TOX3: variants seen among roughly 807,000 people sequenced by gnomAD.
TOX3 encodes the protein TOX high mobility group box family member 3.
A neutral mutation model predicts 64.3 loss-of-function variants in TOX3; 22 were observed. That is an observed-to-expected ratio of 0.34 (90% confidence interval 0.24 to 0.49). The LOEUF (loss-of-function observed/expected upper bound fraction) is 0.49. Ranked by LOEUF, TOX3 falls within the 20% of genes least tolerant of loss-of-function variation. TOX3 has a pLI of 0.99. For missense variants in TOX3, 661 were observed against 714.4 expected (o/e 0.93, Z 0.85); for synonymous variants, 291 against 273.6 (o/e 1.06, Z -0.63).
chr16:52,470,533 A>G (rs1427784705), intron 1 of TOX3, among the ~76,000 whole-genome samples: 1 of 152,254 alleles, frequency 6.6e-6, no homozygotes, highest in African/African-American at 2.4e-5. Context: ...AAACAATTCA[A>G]AAAACAAATT....
intron 4 of TOX3, among the ~76,000 whole-genome samples, chr16:52,447,670 G>C (rs1960202251): frequency 6.6e-6 from 1 of 152,062 alleles, no homozygotes; most frequent in Non-Finnish European, 1.5e-5. Flanking sequence ...TAATTCTCTA[G>C]AGCCCATAGT....
chr16:52,476,287 C>G (rs1003743356), intron 1 of TOX3, among the ~76,000 whole-genome samples: 3 of 152,176 alleles, frequency 2.0e-5, no homozygotes, highest in African/African-American at 7.2e-5. Context: ...GGACTCTGCT[C>G]AAACACGGAG....
intron 1 of TOX3, among the ~76,000 whole-genome samples, chr16:52,504,486 A>C (rs1962104604): frequency 6.6e-6 from 1 of 150,378 alleles, no homozygotes; most frequent in Non-Finnish European, 1.5e-5. Context: ...AAAAAAAAAG[A>C]AGTTCACACT....
intron 3 of TOX3, among the ~76,000 whole-genome samples, chr16:52,460,288 T>C (rs1447986538): frequency 6.6e-6 from 1 of 152,142 alleles, no homozygotes; most frequent in Non-Finnish European, 1.5e-5. Flanking sequence ...ATATAATATA[T>C]GAAGAAAAGT....
chr16:52,478,914 G>A (rs1216345225), intron 1 of TOX3, among the ~76,000 whole-genome samples: 1 of 152,160 alleles, frequency 6.6e-6, no homozygotes, highest in East Asian at 1.9e-4. Flanking sequence ...GAAGACAGAA[G>A]TTCAATGATC....
chr16:52,444,498 T>TTCACACAC, intron 5 of TOX3, 142 bp from the exon 6 acceptor site: 7 of 324,898 alleles, frequency 2.2e-5, no homozygotes, highest in African/African-American at 5.4e-5. Flanking sequence ...TGTTAGCGCA[T>TTCACACAC]GCACACACAC....
At chr16:52,449,990 C>T (rs891503348) in intron 4 of TOX3, among the ~76,000 whole-genome samples, 33 of 152,154 alleles carry the variant, frequency 2.2e-4, no homozygotes, top group African/African-American at 7.7e-4. Context: ...AGCAGGGAGT[C>T]CAAGCCTTCC....
At chr16:52,547,253 C>A, upstream of TOX3, 2 of 144,514 alleles carry the variant, frequency 1.4e-5, no homozygotes, top group South Asian at 3.7e-4. Flanking sequence ...GCGCGCCGCC[C>A]GCCCCGCCGG....
chr16:52,464,756 T>C (rs1348280237), intron 2 of TOX3, among the ~76,000 whole-genome samples: 1 of 152,220 alleles, frequency 6.6e-6, no homozygotes, highest in Non-Finnish European at 1.5e-5. Flanking sequence ...CAATGTTTTA[T>C]ATAAGGATTA....
chr16:52,529,331 G>C (rs1188797833), intron 1 of TOX3, among the ~76,000 whole-genome samples: 1 of 152,030 alleles, frequency 6.6e-6, no homozygotes, highest in African/African-American at 2.4e-5. Context: ...TTGTTTTTTA[G>C]TTTTACAATA....
Position 52,437,702 on chromosome 16 carries a change from C to G in TOX3, c.*1523G>C, listed in dbSNP as rs757100370. On this transcript the variant is annotated 3_prime_UTR_variant, in exon 7 of 7. Transcript: ENST00000219746. ...ATTAGCATTCACCATCTATTTTAAT[C>G]GCAATAACATTACAATACCCAGCTA... Among the ~76,000 whole-genome samples the G allele has an allele frequency of 1.3e-5, 2 of 149,036 alleles. No individual in the cohort carries two copies. Among genetic ancestry groups the G allele is most frequent in the Non-Finnish European group, 3.0e-5 (2 of 67,718 alleles).
chr16:52,502,553 G>C (rs1962032730), intron 1 of TOX3, among the ~76,000 whole-genome samples: 1 of 152,084 alleles, frequency 6.6e-6, no homozygotes, highest in East Asian at 1.9e-4. Flanking sequence ...AAAGCAGTAA[G>C]GTCTTAAAGA....
At chr16:52,469,181 C>T (rs992529111) in intron 1 of TOX3, among the ~76,000 whole-genome samples, 2 of 152,140 alleles carry the variant, frequency 1.3e-5, no homozygotes, top group Non-Finnish European at 2.9e-5. Context: ...CTCAATGTAA[C>T]ATTAAGTGCA....
chr16:52,547,189 G>C (rs1328573670), upstream of TOX3, among the ~76,000 whole-genome samples: 3 of 102,972 alleles, frequency 2.9e-5, no homozygotes, highest in African/African-American at 7.4e-5. Context: ...TGCCTCAGCC[G>C]CCGGTCCCCT....
chr16:52,443,169 T>C (rs1012748708), intron 6 of TOX3, among the ~76,000 whole-genome samples: 16 of 152,246 alleles, frequency 1.1e-4, no homozygotes, highest in Non-Finnish European at 1.5e-4. Flanking sequence ...GTTAACCAAC[T>C]ATACTTTAAT....
chr16:52,478,479 T>TTA (rs1174912695), intron 1 of TOX3, among the ~76,000 whole-genome samples: 6 of 152,226 alleles, frequency 3.9e-5, no homozygotes, highest in Admixed American at 3.9e-4. Flanking sequence ...TTCTCTTCCT[T>TTA]TATATCTCAT....
chr16:52,529,412 G>C (rs946023481), intron 1 of TOX3, among the ~76,000 whole-genome samples: 2 of 151,888 alleles, frequency 1.3e-5, no homozygotes, highest in African/African-American at 4.8e-5. Flanking sequence ...ATACTAGCCT[G>C]GACACTATAC....
At chr16:52,492,489 T>C (rs1019708612) in intron 1 of TOX3, among the ~76,000 whole-genome samples, 1 of 102,882 alleles carries the variant, frequency 9.7e-6, no homozygotes, top group Non-Finnish European at 1.9e-5. Context: ...ATATATATAA[T>C]ATATGATATA....
intron 1 of TOX3, among the ~76,000 whole-genome samples, chr16:52,509,030 T>G (rs1277342461): frequency 2.0e-5 from 3 of 152,208 alleles, no homozygotes; most frequent in Non-Finnish European, 2.9e-5. Flanking sequence ...TCATTTATTA[T>G]TTATTACCCC....
Sources: gnomAD v4.1 joint callset for allele counts (sites outside exome capture counted in the v4.1 genomes callset) on GRCh38, gnomAD v4.1.1 for gene constraint, MANE v1.5 for transcripts, NCBI Gene and HGNC (gene_info 2026-07-23, HGNC 2026-07-21) for gene names.